AKAP10: variants seen among roughly 807,000 people sequenced by gnomAD.
The protein encoded by AKAP10 is A-kinase anchor protein 10, mitochondrial.
Under a neutral mutation model 80.8 loss-of-function variants are expected in AKAP10, and 24 were observed. The observed-to-expected ratio is 0.30, with a 90% CI of 0.22 to 0.42. The LOEUF (loss-of-function observed/expected upper bound fraction) is 0.42. Among genes scored for constraint, AKAP10 ranks in the 10% least tolerant of loss-of-function variants. The probability of loss-of-function intolerance (pLI) is 1.00; values close to 1 mark genes in which losing one functional copy is unlikely to be tolerated. For missense variants in AKAP10, 661 were observed against 794.9 expected (o/e 0.83, Z 2.03); for synonymous variants, 291 against 277.7 (o/e 1.05, Z -0.48).
At chr17:19,951,687 T>C (rs1261508348) in intron 4 of AKAP10, among the ~76,000 whole-genome samples, 4 of 152,098 alleles carry the variant, frequency 2.6e-5, no homozygotes, top group Admixed American at 6.5e-5. Context: ...AAACAGATGC[T>C]TGAAGGCAGC....
intron 9 of AKAP10, among the ~76,000 whole-genome samples, chr17:19,932,639 G>T (rs1016490012): frequency 2.6e-5 from 4 of 151,920 alleles, no homozygotes; most frequent in African/African-American, 4.8e-5. Context: ...TGCATATATT[G>T]ATTTTACTTT....
chr17:19,968,072 G>A, intron 2 of AKAP10: 1 of 182,766 alleles, frequency 5.5e-6, no homozygotes, highest in East Asian at 1.4e-4. Context: ...GTGGCGCCGT[G>A]CACCTGTAGT....
intron 10 of AKAP10, among the ~76,000 whole-genome samples, chr17:19,925,129 A>T (rs2042862940): frequency 6.6e-6 from 1 of 152,196 alleles, no homozygotes; most frequent in Non-Finnish European, 1.5e-5. Context: ...GTACCACTGC[A>T]CGCTGGCCTG....
At chr17:19,931,403 T>C (rs1011941049) in intron 10 of AKAP10, among the ~76,000 whole-genome samples, 6 of 151,680 alleles carry the variant, frequency 4.0e-5, no homozygotes, top group Admixed American at 6.6e-5. Context: ...TTTTTTTTTT[T>C]TTTTTGAGAC....
intron 1 of AKAP10, among the ~76,000 whole-genome samples, chr17:19,970,594 G>A (rs1224798381): frequency 2.0e-5 from 3 of 152,116 alleles, no homozygotes; most frequent in African/African-American, 7.2e-5. Flanking sequence ...AGGCCAAGGC[G>A]GGTGGCTCAC....
chr17:19,940,953 C>A lies in AKAP10; in HGVS notation c.1119G>T (p.Leu373=), dbSNP rs1438162016. The change falls in exon 7 of 15, where the codon CTG becomes CTT. Residue 373 remains leucine (L), a synonymous_variant. Coordinates refer to ENST00000225737, the MANE Select transcript of AKAP10 (RefSeq NM_007202.4). ...HHFCKYQIEV[L]TSGTVYLADI... ...CAGCCAGGTAAACAGTTCCACTGGT[C>A]AGCACTTCAATCTGGTATTTACAGA... The A allele has an allele frequency of 1.2e-6, 2 of 1,612,038 alleles. No homozygotes were observed. The highest frequency in any genetic ancestry group is 1.7e-6 in the Non-Finnish European group (2 of 1,179,506).
chr17:19,921,653 T>C (rs1036782656), intron 11 of AKAP10, among the ~76,000 whole-genome samples: 4 of 151,656 alleles, frequency 2.6e-5, no homozygotes, highest in African/African-American at 7.3e-5. Context: ...CTGGGCAACA[T>C]AGTGAGACTT....
intron 5 of AKAP10, among the ~76,000 whole-genome samples, chr17:19,945,787 T>C (rs2043097115): frequency 6.6e-6 from 1 of 152,284 alleles, no homozygotes; most frequent in East Asian, 1.9e-4. Flanking sequence ...GGGACAGATC[T>C]GCTAAAAGTG....
rs1266562767 is a variant in AKAP10 at position 19,939,603 on chromosome 17, C to T, written c.1322+110G>A. ...CATATAAAAGCAGCTTTTATGCTGC[C>T]TCCTGTGAGCTCCTTGACAACAGAG... On this transcript the variant is annotated intron_variant, in intron 8 of 14. Coordinates refer to ENST00000225737, the MANE Select transcript of AKAP10 (RefSeq NM_007202.4). 4 of 1,281,770 alleles carry T rather than the reference C, an allele frequency of 3.1e-6. No individual in the cohort carries two copies. In the Admixed American group the frequency reaches 7.2e-5, roughly 23 times the overall value. 79.4% of individuals were successfully genotyped at this position (1,281,770 alleles called of 1,614,324 possible).
At chr17:19,915,194 C>G (rs1192041855) in intron 12 of AKAP10, among the ~76,000 whole-genome samples, 1 of 152,140 alleles carries the variant, frequency 6.6e-6, no homozygotes, top group Non-Finnish European at 1.5e-5. Context: ...TCAAAAACAC[C>G]ATATACAACA....
chr17:19,962,932 A>G lies in AKAP10; in HGVS notation c.227T>C (p.Ile76Thr). 1.9e-6 allele frequency: 3 copies of G among 1,614,112 alleles called. No homozygotes were observed. The highest frequency in any genetic ancestry group is 2.5e-6 in the Non-Finnish European group (3 of 1,179,982). ...TGAAAAGGAGTCCATGTTGGCAGAA[A>G]TGGCATTGATTGCAACATGACTTGG... The part of the protein sequence containing the change: ...AGPSHVAINA[I>T]SANMDSFSSS... The change falls in exon 3 of 15, where the codon ATT (isoleucine) becomes ACT (threonine). Residue 76 changes from isoleucine to threonine, a missense_variant. Coordinates refer to ENST00000225737, the MANE Select transcript of AKAP10 (RefSeq NM_007202.4).
At chr17:19,951,914 T>TAAAAAAAAAA (rs759583171) in intron 4 of AKAP10, among the ~76,000 whole-genome samples, 2 of 86,002 alleles carry the variant, frequency 2.3e-5, no homozygotes, top group Non-Finnish European at 4.8e-5. Context: ...AAATAAGAAT[T>TAAAAAAAAAA]AAAAAAAAAA....
At chr17:19,960,641 C>T (rs2043337037) in intron 3 of AKAP10, among the ~76,000 whole-genome samples, 1 of 152,134 alleles carries the variant, frequency 6.6e-6, no homozygotes. Flanking sequence ...CATTTGTGCA[C>T]AGGTTTTTAT....
At chr17:19,954,836 G>T (rs1392617568) in intron 4 of AKAP10, among the ~76,000 whole-genome samples, 2 of 151,746 alleles carry the variant, frequency 1.3e-5, no homozygotes, top group Non-Finnish European at 2.9e-5. Context: ...AAATCTTCAT[G>T]ACCTTTGCTT....
intron 12 of AKAP10, among the ~76,000 whole-genome samples, chr17:19,914,768 C>A (rs1037140287): frequency 1.3e-5 from 2 of 151,790 alleles, no homozygotes; most frequent in East Asian, 1.9e-4. Flanking sequence ...GAAGGAGGAA[C>A]CATCCTTGCA....
intron 12 of AKAP10, among the ~76,000 whole-genome samples, chr17:19,911,835 C>CAAAAAAAAAAAAAAAAA (rs71157844): frequency 9.1e-5 from 5 of 55,006 alleles, no homozygotes; most frequent in Non-Finnish European, 1.4e-4. Flanking sequence ...AACTCTGTCA[C>CAAAAAAAAAAAAAAAAA]AAAAAAAAAA....
chr17:19,975,635 G>GA (rs1339736304), intron 1 of AKAP10, among the ~76,000 whole-genome samples: 10 of 152,138 alleles, frequency 6.6e-5, no homozygotes, highest in Non-Finnish European at 1.3e-4. Flanking sequence ...TACATGGAGC[G>GA]AAAGGGAGAA....
rs116103501 is a variant in AKAP10, at chr17:19,964,577, C to T, written c.137-1555G>A. ...TCAAACTTTTTAAAAGCTGAAACCTCCTTTGCTTCCCACCAAAATAAACTT... is the reference window on the plus strand; with the variant it reads ...TCAAACTTTTTAAAAGCTGAAACCTTCTTTGCTTCCCACCAAAATAAACTT... On this transcript the variant is annotated intron_variant, in intron 2 of 14. Transcript: ENST00000225737. Among the ~76,000 whole-genome samples the T allele has an allele frequency of 4.1e-3, 624 of 151,988 alleles. 4 individuals are homozygous for T. Among genetic ancestry groups the T allele is most frequent in the African/African-American group, 0.015 (606 of 41,486 alleles).
chr17:19,919,227 T>A (rs1407498754), intron 12 of AKAP10, among the ~76,000 whole-genome samples: 1 of 152,194 alleles, frequency 6.6e-6, no homozygotes, highest in African/African-American at 2.4e-5. Context: ...GTTTCCAGCT[T>A]CATCCATGTC....
Sources: allele counts gnomAD v4.1 joint callset (sites outside exome capture counted in the v4.1 genomes callset), GRCh38; gene constraint gnomAD v4.1.1; transcripts MANE v1.5; gene names NCBI Gene and HGNC (gene_info 2026-07-23, HGNC 2026-07-21).